PTPRD: variants seen among roughly 807,000 people sequenced by gnomAD.
The protein encoded by PTPRD is protein tyrosine phosphatase receptor type D, also known as receptor-type tyrosine-protein phosphatase delta.
Under a neutral mutation model 214.5 loss-of-function variants are expected in PTPRD, and 34 were observed. The ratio of observed to expected loss-of-function variants is 0.16; its 90% CI spans 0.12 to 0.21. The LOEUF (loss-of-function observed/expected upper bound fraction) is 0.21, where lower values mean the gene tolerates loss of function less well. Ranked by LOEUF, PTPRD falls within the 10% of genes least tolerant of loss-of-function variation. The pLI is 1.00. For synonymous variants in PTPRD, 1,128 were observed against 845.7 expected (o/e 1.33, Z -5.79); for missense variants, 2,545 against 2,398.7 (o/e 1.06, Z -1.27).
chr9:8,473,237 T>C (rs1328467625), intron 30 of PTPRD, among the ~76,000 whole-genome samples: 1 of 152,172 alleles, frequency 6.6e-6, no homozygotes, highest in Non-Finnish European at 1.5e-5. Flanking sequence ...TTACACCAGC[T>C]AGCCATTCAT....
intron 8 of PTPRD, among the ~76,000 whole-genome samples, chr9:9,435,922 T>C (rs2085060985): frequency 6.6e-6 from 1 of 152,114 alleles, no homozygotes; most frequent in African/African-American, 2.4e-5. Flanking sequence ...AAAAAGTAAA[T>C]AGTGTATGTA....
chr9:9,474,345 T>G (rs928858749), intron 8 of PTPRD, among the ~76,000 whole-genome samples: 1 of 152,122 alleles, frequency 6.6e-6, no homozygotes, highest in South Asian at 2.1e-4. Context: ...CATGCCGTAT[T>G]GATTATGATA....
intron 2 of PTPRD, among the ~76,000 whole-genome samples, chr9:10,391,321 C>T (rs188573451): frequency 3.3e-5 from 5 of 151,842 alleles, no homozygotes; most frequent in African/African-American, 1.2e-4. Context: ...ACATTAAAAT[C>T]TGACAGTTTT....
chr9:9,843,552 C>G (rs2058810465), intron 5 of PTPRD, among the ~76,000 whole-genome samples: 1 of 151,796 alleles, frequency 6.6e-6, no homozygotes, highest in African/African-American at 2.4e-5. Flanking sequence ...CCCAAATTTG[C>G]AAAATGAGCC....
At chr9:8,977,385 G>C (rs1394263182) in intron 11 of PTPRD, among the ~76,000 whole-genome samples, 1 of 151,918 alleles carries the variant, frequency 6.6e-6, no homozygotes, top group Non-Finnish European at 1.5e-5. Flanking sequence ...CTATGATCTG[G>C]TTCTATTTAG....
At chr9:10,550,215 A>G (rs2061003196) in intron 2 of PTPRD, among the ~76,000 whole-genome samples, 2 of 152,322 alleles carry the variant, frequency 1.3e-5, no homozygotes, top group Admixed American at 1.3e-4. Context: ...TTCACTATCC[A>G]CAAGTCCCCT....
At chr9:8,330,701 A>T (rs1839540783) in intron 44 of PTPRD, among the ~76,000 whole-genome samples, 1 of 151,430 alleles carries the variant, frequency 6.6e-6, no homozygotes, top group South Asian at 2.1e-4. Context: ...CATAGAGCCA[A>T]ATAATAGAAT....
chr9:8,460,262 C>A (rs2096358388), intron 33 of PTPRD, 149 bp downstream of exon 33: 1 of 945,088 alleles, frequency 1.1e-6, no homozygotes, highest in African/African-American at 1.6e-5. Flanking sequence ...TTTGATCTTA[C>A]TGTAATGTAA....
chr9:9,049,219 T>A (rs1223908711), intron 10 of PTPRD, among the ~76,000 whole-genome samples: 2 of 152,182 alleles, frequency 1.3e-5, no homozygotes, highest in African/African-American at 2.4e-5. Flanking sequence ...GTGGAAGGAA[T>A]AGGGAATTTT....
chr9:10,294,075 T>G (rs1039780035), intron 3 of PTPRD, among the ~76,000 whole-genome samples: 1 of 151,976 alleles, frequency 6.6e-6, no homozygotes, highest in African/African-American at 2.4e-5. Flanking sequence ...ATCGACATTA[T>G]TGCAAAATAT....
chr9:8,340,458 G>C lies in PTPRD; in HGVS notation c.5138C>G (p.Ala1713Gly), dbSNP rs1588109499. 6.3e-7 allele frequency: 1 copy of C among 1,594,216 alleles called. No homozygotes were observed. The highest frequency in any genetic ancestry group is 1.1e-5 in the South Asian group (1 of 88,646). ...SFIDGYRQQK[A>G]YIATQGPLAE... is the part of the protein sequence containing the mutation. ...CAAGGGCCCCTGGGTAGCGATGTAG[G>C]CTTTCTGTTGTCTGAATTACAGAGA... The change falls in exon 42 of 46, where the codon GCC becomes GGC. Residue 1713 changes from alanine to glycine, a missense_variant. By Grantham distance (60) the Ala-to-Gly change is moderately conservative (BLOSUM62 0). Transcript: ENST00000381196.
chr9:9,544,492 TGAG>T (rs1448459996), intron 8 of PTPRD, among the ~76,000 whole-genome samples: 2 of 151,642 alleles, frequency 1.3e-5, no homozygotes, highest in Non-Finnish European at 3.0e-5. Context: ...TAATCTCACT[TGAG>T]GGCCTATATA....
intron 9 of PTPRD, among the ~76,000 whole-genome samples, chr9:9,382,406 A>G (rs975752114): frequency 6.6e-6 from 1 of 152,132 alleles, no homozygotes; most frequent in African/African-American, 2.4e-5. Flanking sequence ...CGAATGGGAG[A>G]AAATGTTTGC....
At chr9:8,776,539 C>G (rs1359977427) in intron 11 of PTPRD, among the ~76,000 whole-genome samples, 1 of 150,562 alleles carries the variant, frequency 6.6e-6, no homozygotes, top group South Asian at 2.1e-4. Context: ...CTCAAGCGAT[C>G]TGCCGGCCTC....
rs1202441038 is a variant in PTPRD at position 9,596,709 on chromosome 9, G to T, written c.-286-21928C>A. 3.3e-5 allele frequency among the ~76,000 whole-genome samples: 5 copies of T among 151,900 alleles called. No homozygotes were observed. The East Asian group carries it at 9.7e-4, about 29-fold the overall frequency. On this transcript the variant is annotated intron_variant, in intron 7 of 45. Coordinates refer to ENST00000381196, the MANE Select transcript of PTPRD (RefSeq NM_002839.4). ...TAAATCAGTCCATATCCTTCTGGTT[G>T]GTATCTAAAGTACCTAATAGGCTTG...
intron 3 of PTPRD, among the ~76,000 whole-genome samples, chr9:10,112,572 T>C (rs1273106453): frequency 2.0e-5 from 3 of 152,156 alleles, no homozygotes; most frequent in Non-Finnish European, 4.4e-5. Flanking sequence ...GGATGAATGC[T>C]AGATGTGTAA....
chr9:8,434,712 T>C (rs2095270044), intron 35 of PTPRD, among the ~76,000 whole-genome samples: 1 of 152,038 alleles, frequency 6.6e-6, no homozygotes, highest in Non-Finnish European at 1.5e-5. Context: ...CAATAAAAAG[T>C]AGGTTGGAGT....
intron 7 of PTPRD, among the ~76,000 whole-genome samples, chr9:9,619,281 C>T (rs1024655019): frequency 1.3e-5 from 2 of 151,966 alleles, no homozygotes; most frequent in Admixed American, 6.6e-5. Context: ...GTTGCAGTAT[C>T]ATTTTGAGAC....
chr9:10,562,177 T>C (rs2064160273), intron 2 of PTPRD, among the ~76,000 whole-genome samples: 1 of 152,120 alleles, frequency 6.6e-6, no homozygotes, highest in African/African-American at 2.4e-5. Context: ...AAGATGATGG[T>C]CTGTCTTGAG....
Sources: gnomAD v4.1 joint callset for allele counts (sites outside exome capture counted in the v4.1 genomes callset) on GRCh38, gnomAD v4.1.1 for gene constraint, MANE v1.5 for transcripts, NCBI Gene and HGNC (gene_info 2026-07-23, HGNC 2026-07-21) for gene names.